The following SCD5 variants were observed in gnomAD, a reference collection of about 807,000 sequenced individuals.
SCD5 encodes acyl-CoA-desaturase 4.
A neutral mutation model predicts 30.4 loss-of-function variants in SCD5; 20 were observed. The ratio of observed to expected loss-of-function variants is 0.66; its 90% confidence interval spans 0.46 to 0.96. SCD5 has a LOEUF of 0.96. Ranked by LOEUF, SCD5 falls within the 40% of genes least tolerant of loss-of-function variation. The probability of loss-of-function intolerance (pLI) is 0.00; values close to 1 mark genes in which losing one functional copy is unlikely to be tolerated. For synonymous variants in SCD5, 173 were observed against 176.4 expected (o/e 0.98, Z 0.16); for missense variants, 381 against 443.3 (o/e 0.86, Z 1.26).
chr4:82,745,836 G>A (rs1278103562), intron 1 of SCD5, among the ~76,000 whole-genome samples: 2 of 152,182 alleles, frequency 1.3e-5, no homozygotes, highest in African/African-American at 4.8e-5. Flanking sequence ...GCAGTACAGA[G>A]TGGTGGTTAA....
chr4:82,749,043 T>A (rs998282790), intron 1 of SCD5, among the ~76,000 whole-genome samples: 5 of 152,204 alleles, frequency 3.3e-5, no homozygotes, highest in Admixed American at 6.5e-5. Flanking sequence ...ACAGGGCAGG[T>A]TAACGAGAAA....
chr4:82,684,521 G>A (rs1728653813), intron 2 of SCD5, among the ~76,000 whole-genome samples: 1 of 152,214 alleles, frequency 6.6e-6, no homozygotes, highest in Admixed American at 6.5e-5. Context: ...GTGATTGGGA[G>A]TGGGTGGGTA....
chr4:82,685,687 G>T, intron 2 of SCD5, among the ~76,000 whole-genome samples: 1 of 150,946 alleles, frequency 6.6e-6, no homozygotes. Flanking sequence ...ACTCCAGCCT[G>T]GGTGACAGAG....
At chr4:82,684,475 T>C (rs545984952) in intron 2 of SCD5, among the ~76,000 whole-genome samples, 1 of 152,324 alleles carries the variant, frequency 6.6e-6, no homozygotes, top group African/African-American at 2.4e-5. Context: ...CAATCACCTT[T>C]CTTCCCTACT....
chr4:82,718,763 C>T (rs1229159005), intron 1 of SCD5, among the ~76,000 whole-genome samples: 3 of 151,792 alleles, frequency 2.0e-5, no homozygotes, highest in Non-Finnish European at 1.5e-5. Flanking sequence ...TTTCTTCACA[C>T]ATTTTTATTC....
At chr4:82,688,046 T>C (rs909884103) in intron 2 of SCD5, among the ~76,000 whole-genome samples, 3 of 152,214 alleles carry the variant, frequency 2.0e-5, no homozygotes, top group Non-Finnish European at 4.4e-5. Context: ...AGTTGCTTGC[T>C]CCCAACCAGA....
chr4:82,723,869 A>G (rs1720419609), intron 1 of SCD5, among the ~76,000 whole-genome samples: 1 of 152,260 alleles, frequency 6.6e-6, no homozygotes, highest in African/African-American at 2.4e-5. Context: ...ACAATGTGAA[A>G]GCCTGACTAG....
intron 1 of SCD5, among the ~76,000 whole-genome samples, chr4:82,707,820 A>G (rs12507911): frequency 0.34 from 51,460 of 152,096 alleles, 10,246 homozygotes; most frequent in Admixed American, 0.45. Flanking sequence ...TGACCAACAC[A>G]CTGCAGCCCC....
rs541484224 is a variant in SCD5 at position 82,736,364 on chromosome 4, TTTGAGAGG to T, written c.233-30959_233-30952del. On this transcript the variant is annotated intron_variant, in intron 1 of 4. Coordinates refer to ENST00000319540, the MANE Select transcript of SCD5 (RefSeq NM_001037582.3). ...TGGCTCACATCTGTAATCCCAGCAC[TTTGAGAGG>T]CTGAGGCAGGTGGATCAGCCGAGGT... Among the ~76,000 whole-genome samples, 1,348 of 151,690 alleles carry T rather than the reference TTTGAGAGG, an allele frequency of 8.9e-3. 21 individuals carry two copies. Among genetic ancestry groups the T allele is most frequent in the African/African-American group, 0.031 (1,298 of 41,342 alleles).
At chr4:82,741,810 A>G (rs1720877787) in intron 1 of SCD5, among the ~76,000 whole-genome samples, 1 of 128,950 alleles carries the variant, frequency 7.8e-6, no homozygotes, top group Non-Finnish European at 1.6e-5. Flanking sequence ...TCACTCTTGG[A>G]TGCCTCCTCC....
rs192534431 is a variant in SCD5 at position 82,784,100 on chromosome 4, G to A, written c.232+14206C>T. Among the ~76,000 whole-genome samples, 17 of 152,126 alleles carry A rather than the reference G, an allele frequency of 1.1e-4. 1 individual carries two copies. Among genetic ancestry groups the A allele is most frequent in the African/African-American group, 2.2e-4 (9 of 41,488 alleles). On this transcript the variant is annotated intron_variant, in intron 1 of 4. Coordinates refer to ENST00000319540, the MANE Select transcript of SCD5 (RefSeq NM_001037582.3). ...GCTGGCGAATCTGGATAGAGTCTAC[G>A]GGAGATCCTGATACTATTCTTAACA...
chr4:82,710,621 C>T (rs1720062966), intron 1 of SCD5, among the ~76,000 whole-genome samples: 1 of 152,106 alleles, frequency 6.6e-6, no homozygotes, highest in Non-Finnish European at 1.5e-5. Flanking sequence ...AGGGTGACCC[C>T]TGGGTTGAGG....
intron 2 of SCD5, among the ~76,000 whole-genome samples, chr4:82,694,996 G>T (rs751088611): frequency 6.6e-6 from 1 of 150,928 alleles, no homozygotes; most frequent in Non-Finnish European, 1.5e-5. Flanking sequence ...CAGAAGTACA[G>T]GTAGCCTGGG....
intron 1 of SCD5, among the ~76,000 whole-genome samples, chr4:82,725,996 G>A (rs1357423176): frequency 1.3e-5 from 2 of 152,176 alleles, no homozygotes; most frequent in African/African-American, 4.8e-5. Flanking sequence ...CCGCCTGAAG[G>A]GTCTCCACTG....
intron 1 of SCD5, among the ~76,000 whole-genome samples, chr4:82,783,487 T>C (rs1344365628): frequency 6.6e-6 from 1 of 152,192 alleles, no homozygotes; most frequent in Admixed American, 6.5e-5. Context: ...CCAGATTTTT[T>C]ACTCAGGAAG....
intron 1 of SCD5, among the ~76,000 whole-genome samples, chr4:82,741,618 G>A (rs570378435): frequency 6.6e-6 from 1 of 152,066 alleles, no homozygotes; most frequent in African/African-American, 2.4e-5. Context: ...CAGCAATAGA[G>A]AACTAAAACA....
chr4:82,704,293 C>T (rs1229814994), intron 2 of SCD5, among the ~76,000 whole-genome samples: 3 of 152,184 alleles, frequency 2.0e-5, no homozygotes, highest in Non-Finnish European at 4.4e-5. Flanking sequence ...CTGGGTCACC[C>T]GTCTCCCTGG....
intron 1 of SCD5, among the ~76,000 whole-genome samples, chr4:82,735,177 C>A (rs957451403): frequency 6.6e-6 from 1 of 152,170 alleles, no homozygotes; most frequent in African/African-American, 2.4e-5. Context: ...AATTGATTCC[C>A]AGCCGAGGCC....
chr4:82,680,792 G>A lies in SCD5; in HGVS notation c.484C>T (p.Arg162Cys), dbSNP rs781504369. Reference sequence around the variant, plus strand: ...TTCTCAATAACATCTCGATGCTTGCGAACAAACAGCCACCCAATATGGGAG... The same window carrying A: ...TTCTCAATAACATCTCGATGCTTGCAAACAAACAGCCACCCAATATGGGAG... ...FFSHIGWLFV[R>C]KHRDVIEKGR... Residue 162 changes from arginine (R) to cysteine (C), a missense_variant, in exon 3 of 5, where the codon CGC becomes TGC. Coordinates refer to ENST00000319540, the MANE Select transcript of SCD5 (RefSeq NM_001037582.3). 2.5e-6 allele frequency: 4 copies of A among 1,613,646 alleles called. No individual in the cohort carries two copies. The highest frequency in any genetic ancestry group is 1.7e-5 in the Admixed American group (1 of 59,964).
Sources: gnomAD v4.1 joint callset for allele counts (sites outside exome capture counted in the v4.1 genomes callset) on GRCh38, gnomAD v4.1.1 for gene constraint, MANE v1.5 for transcripts, NCBI Gene and HGNC (gene_info 2026-07-23, HGNC 2026-07-21) for gene names.